Variants in DUSP29 observed in about 807,000 individuals in gnomAD.
The protein encoded by DUSP29 is atypical dual-specific protein phosphatase.
A neutral mutation model predicts 13.5 loss-of-function variants in DUSP29; 12 were observed. The observed-to-expected ratio is 0.89, with a 90% CI of 0.57 to 1.44. DUSP29 has a LOEUF of 1.44. Ranked by LOEUF, DUSP29 falls within the 40% of genes most tolerant of loss-of-function variation. The pLI is 0.00. For missense variants in DUSP29, 308 were observed against 301.1 expected (o/e 1.02, Z -0.17); for synonymous variants, 134 against 128.7 (o/e 1.04, Z -0.28).
rs778468450 is a variant in DUSP29 at position 75,043,784 on chromosome 10, G to A, written c.421+13C>T. Reference sequence around the variant, plus strand: ...GGGCGGGGCCGATCGGGGCGGGGCCGCGGGTCTCTTACTGTGGTCGTCGCT... The same window carrying A: ...GGGCGGGGCCGATCGGGGCGGGGCCACGGGTCTCTTACTGTGGTCGTCGCT... On this transcript the variant is annotated intron_variant, in intron 3 of 3. Transcript: ENST00000338487. 31 of 1,606,782 alleles carry A rather than the reference G, an allele frequency of 1.9e-5. No homozygotes were observed. The African/African-American group carries it at 3.6e-4, about 19-fold the overall frequency.
chr10:75,053,131 C>A (rs910819046), intron 2 of DUSP29, among the ~76,000 whole-genome samples: 5 of 152,182 alleles, frequency 3.3e-5, no homozygotes, highest in Admixed American at 2.0e-4. Flanking sequence ...ATTGCTGTGG[C>A]CGGCCACCAA....
intron 1 of DUSP29, among the ~76,000 whole-genome samples, chr10:75,071,489 C>T (rs989208108): frequency 1.8e-4 from 27 of 152,192 alleles, no homozygotes; most frequent in African/African-American, 5.5e-4. Context: ...CAACAACAGC[C>T]ACGGGAGTGC....
chr10:75,064,379 A>G (rs1396410811), intron 1 of DUSP29, among the ~76,000 whole-genome samples: 2 of 152,258 alleles, frequency 1.3e-5, no homozygotes, highest in East Asian at 3.9e-4. Context: ...GTGGTGGCGC[A>G]TGCCTGTAGT....
At chr10:75,067,275 A>G (rs1847226279) in intron 1 of DUSP29, among the ~76,000 whole-genome samples, 2 of 152,056 alleles carry the variant, frequency 1.3e-5, no homozygotes, top group South Asian at 2.1e-4. Context: ...TTCTTTAAGT[A>G]AAAGAAAACC....
At chr10:75,055,395 TCA>T (rs1846937288) in intron 2 of DUSP29, among the ~76,000 whole-genome samples, 1 of 152,204 alleles carries the variant, frequency 6.6e-6, no homozygotes, top group Non-Finnish European at 1.5e-5. Context: ...CGTGCAAATA[TCA>T]CACAGAGATT....
chr10:75,061,200 C>T (rs1025998855), intron 1 of DUSP29, among the ~76,000 whole-genome samples: 5 of 152,114 alleles, frequency 3.3e-5, no homozygotes, highest in Middle Eastern at 3.2e-3. Flanking sequence ...TGTTTCTCTT[C>T]AGGTGTGTTT....
intron 1 of DUSP29, among the ~76,000 whole-genome samples, chr10:75,072,241 CA>C (rs1320519994): frequency 6.6e-6 from 1 of 152,160 alleles, no homozygotes; most frequent in Non-Finnish European, 1.5e-5. Flanking sequence ...CTATAGACAG[CA>C]AACTAAAAGA....
chr10:75,046,978 C>T (rs1348327596), intron 2 of DUSP29, among the ~76,000 whole-genome samples: 2 of 152,302 alleles, frequency 1.3e-5, no homozygotes, highest in East Asian at 3.9e-4. Flanking sequence ...AATCAAGTGG[C>T]AGTTTGAATG....
intron 1 of DUSP29, among the ~76,000 whole-genome samples, chr10:75,067,116 C>T (rs979415001): frequency 1.1e-4 from 16 of 151,718 alleles, no homozygotes; most frequent in Admixed American, 7.2e-4. Context: ...TGTGCCACCA[C>T]ACCTGGCTAA....
chr10:75,055,906 G>T (rs527740804), intron 2 of DUSP29, among the ~76,000 whole-genome samples: 1 of 152,076 alleles, frequency 6.6e-6, no homozygotes, highest in African/African-American at 2.4e-5. Flanking sequence ...TGTATATATA[G>T]TATGGGGTTT....
chr10:75,050,521 T>A lies in DUSP29; in HGVS notation c.201-6504A>T, dbSNP rs142592418. Among the ~76,000 whole-genome samples the A allele has an allele frequency of 6.9e-3, 1,057 of 152,388 alleles. 12 individuals are homozygous for A. The highest frequency in any genetic ancestry group is 0.024 in the African/African-American group (1,010 of 41,594). ...ATAGGCCATTTCTTAAATAATTTTA[T>A]TTTAGAGCTGGAAGGGAACCTTCGA... On this transcript the variant is annotated intron_variant, in intron 2 of 3. Coordinates refer to ENST00000338487, the MANE Select transcript of DUSP29 (RefSeq NM_001003892.3).
At chr10:75,060,341 A>C (rs1564644830) in intron 1 of DUSP29, among the ~76,000 whole-genome samples, 1 of 151,784 alleles carries the variant, frequency 6.6e-6, no homozygotes, top group African/African-American at 2.4e-5. Context: ...GTGGTGGTGC[A>C]TGCCTGTAGT....
chr10:75,051,178 C>T (rs967826390), intron 2 of DUSP29, among the ~76,000 whole-genome samples: 9 of 152,148 alleles, frequency 5.9e-5, no homozygotes, highest in African/African-American at 2.2e-4. Flanking sequence ...AGAAATCTGA[C>T]CCAGGGTTGT....
chr10:75,070,065 AGAAGAAAGGAAGGAAGGAAGGAAGGAAG>A lies in DUSP29; in HGVS notation c.-35+3476_-35+3503del, dbSNP rs1226478024. ...ACCTTGTCAAAAAAAAAAGAAAGAA[AGAAGAAAGGAAGGAAGGAAGGAAGGAAG>A]GAAGGAAGGAAGGAAGGAAGGAAGG... is the stretch of plus-strand genomic sequence containing the variant. On this transcript the variant is annotated intron_variant, in intron 1 of 3. Transcript: ENST00000338487. Among the ~76,000 whole-genome samples the A allele has an allele frequency of 3.7e-3, 497 of 134,650 alleles. 11 individuals are homozygous for A. Among genetic ancestry groups the A allele is most frequent in the Non-Finnish European group, 5.0e-3 (322 of 63,864 alleles). The allele number at this position is 134,650 out of a possible 152,430, so 88.3% of individuals were successfully genotyped here.
Position 75,068,028 on chromosome 10 carries a change from G to A in DUSP29, c.-35+5541C>T, listed in dbSNP as rs2094324809. Among the ~76,000 whole-genome samples, 3 of 152,070 alleles carry A rather than the reference G, an allele frequency of 2.0e-5. No homozygotes were observed. The South Asian group carries it at 6.2e-4, about 32-fold the overall frequency. Reference sequence around the variant, plus strand: ...GGGTTTCACCATGTTGGCTAGGCTGGTCTTGAACTCCTGACCTCAAATGAT... The same window carrying A: ...GGGTTTCACCATGTTGGCTAGGCTGATCTTGAACTCCTGACCTCAAATGAT... On this transcript the variant is annotated intron_variant, in intron 1 of 3. Transcript: ENST00000338487.
intron 1 of DUSP29, among the ~76,000 whole-genome samples, chr10:75,070,575 C>T (rs554171614): frequency 4.6e-5 from 7 of 152,150 alleles, no homozygotes; most frequent in Non-Finnish European, 7.4e-5. Context: ...GACAAGGAGG[C>T]GGCCTGGAGG....
chr10:75,058,789 C>T (rs771848872), intron 1 of DUSP29, among the ~76,000 whole-genome samples: 1 of 152,192 alleles, frequency 6.6e-6, no homozygotes, highest in African/African-American at 2.4e-5. Context: ...GGTCCTTGGA[C>T]GTGGGCCAAG....
chr10:75,045,941 T>C (rs982872498), intron 2 of DUSP29, among the ~76,000 whole-genome samples: 1 of 151,808 alleles, frequency 6.6e-6, no homozygotes. Flanking sequence ...TGAAACCCCA[T>C]CTCTACAAGA....
chr10:75,061,922 A>C (rs1406242190), intron 1 of DUSP29, among the ~76,000 whole-genome samples: 1 of 152,232 alleles, frequency 6.6e-6, no homozygotes, highest in Non-Finnish European at 1.5e-5. Flanking sequence ...GGGCTCAGCA[A>C]GAGCTGCTAA....
Sources: allele counts gnomAD v4.1 joint callset (sites outside exome capture counted in the v4.1 genomes callset), GRCh38; gene constraint gnomAD v4.1.1; transcripts MANE v1.5; gene names NCBI Gene and HGNC (gene_info 2026-07-23, HGNC 2026-07-21).